The following CDK6 variants were observed in gnomAD, a reference collection of about 807,000 sequenced individuals.
CDK6 encodes the protein cyclin-dependent kinase 6.
A neutral mutation model predicts 37.1 loss-of-function variants in CDK6; 6 were observed. The ratio of observed to expected loss-of-function variants is 0.16; its 90% CI spans 0.09 to 0.32. The LOEUF (loss-of-function observed/expected upper bound fraction) is 0.32. CDK6 is among the 10% of genes least tolerant of loss of function. The pLI, the probability that CDK6 is intolerant of heterozygous loss-of-function variation, is 1.00. For synonymous variants in CDK6, 160 were observed against 161.3 expected, an observed-to-expected ratio of 0.99 and a Z score of 0.06; for missense variants, 224 against 418.9, an observed-to-expected ratio of 0.53 and a Z score of 4.06.
intron 3 of CDK6, among the ~76,000 whole-genome samples, chr7:92,762,325 C>A (rs1799475781): frequency 6.6e-6 from 1 of 151,798 alleles, no homozygotes; most frequent in Non-Finnish European, 1.5e-5. Flanking sequence ...CAACCTATTT[C>A]TTCCCTATTC....
intron 3 of CDK6, among the ~76,000 whole-genome samples, chr7:92,735,941 C>T (rs953718114): frequency 3.3e-5 from 5 of 152,028 alleles, no homozygotes; most frequent in African/African-American, 4.8e-5. Context: ...CTTTTGGGTA[C>T]GTATAAACCT....
chr7:92,709,284 C>T (rs1328082188), intron 4 of CDK6, among the ~76,000 whole-genome samples: 2 of 152,132 alleles, frequency 1.3e-5, no homozygotes, highest in Non-Finnish European at 2.9e-5. Flanking sequence ...CAACAACCCA[C>T]ATACTTCTTG....
intron 4 of CDK6, among the ~76,000 whole-genome samples, chr7:92,686,081 G>C (rs540920523): frequency 1.3e-5 from 2 of 152,330 alleles, no homozygotes; most frequent in East Asian, 3.9e-4. Flanking sequence ...AATCACAGAA[G>C]TGATCACAGT....
At chr7:92,749,198 A>C (rs1046051063) in intron 3 of CDK6, among the ~76,000 whole-genome samples, 1 of 125,108 alleles carries the variant, frequency 8.0e-6, no homozygotes, top group East Asian at 2.1e-4. Context: ...GACTCTGCCT[A>C]AAAAAAAAAA....
intron 3 of CDK6, among the ~76,000 whole-genome samples, chr7:92,748,527 C>A (rs529454775): frequency 2.6e-5 from 4 of 152,178 alleles, no homozygotes; most frequent in Non-Finnish European, 5.9e-5. Context: ...GAACTGTCTA[C>A]AAAATACTTT....
chr7:92,736,565 G>A (rs1353751242), intron 3 of CDK6, among the ~76,000 whole-genome samples: 1 of 152,174 alleles, frequency 6.6e-6, no homozygotes, highest in Non-Finnish European at 1.5e-5. Flanking sequence ...CTGTCATGGA[G>A]GACACTAATA....
chr7:92,793,812 C>T (rs1800339101), intron 2 of CDK6, among the ~76,000 whole-genome samples: 1 of 151,710 alleles, frequency 6.6e-6, no homozygotes, highest in South Asian at 2.1e-4. Flanking sequence ...GGCAAATCTA[C>T]AGAAACAGAA....
At chr7:92,618,323 G>A (rs1367930141) in intron 6 of CDK6, 116 bp from the exon 7 acceptor site, 1 of 981,944 alleles carries the variant, frequency 1.0e-6, no homozygotes, top group Non-Finnish European at 1.5e-6. Flanking sequence ...AGAGTCCCAG[G>A]AGACCTTCAC....
intron 5 of CDK6, among the ~76,000 whole-genome samples, chr7:92,627,614 A>G (rs1585347414): frequency 6.6e-6 from 1 of 151,554 alleles, no homozygotes; most frequent in East Asian, 2.0e-4. Context: ...AATCCAGTTC[A>G]TGGTATTTTG....
chr7:92,677,436 G>A (rs1005592224), intron 4 of CDK6, among the ~76,000 whole-genome samples: 3 of 151,954 alleles, frequency 2.0e-5, no homozygotes, highest in Non-Finnish European at 4.4e-5. Context: ...TGGGCAGCAT[G>A]GCGAAACCCT....
intron 3 of CDK6, among the ~76,000 whole-genome samples, chr7:92,743,421 A>C (rs1032145081): frequency 1.3e-5 from 2 of 150,578 alleles, no homozygotes; most frequent in Non-Finnish European, 3.0e-5. Flanking sequence ...TAAAAATAAT[A>C]ATAAAAAAAG....
chr7:92,828,838 C>T (rs937423823), intron 2 of CDK6, among the ~76,000 whole-genome samples: 1 of 152,122 alleles, frequency 6.6e-6, no homozygotes, highest in African/African-American at 2.4e-5. Flanking sequence ...AAAAAATGAG[C>T]AGAATACCAT....
At chr7:92,836,054 C>G (rs1034794629) in intron 1 of CDK6, among the ~76,000 whole-genome samples, 3 of 152,174 alleles carry the variant, frequency 2.0e-5, no homozygotes. Flanking sequence ...GCACATTCTC[C>G]AGCATGGAGT....
chr7:92,765,354 A>C (rs932335430), intron 3 of CDK6, among the ~76,000 whole-genome samples: 7 of 152,124 alleles, frequency 4.6e-5, no homozygotes, highest in African/African-American at 1.7e-4. Context: ...TTTAAGGAGA[A>C]TATATCTTAT....
chr7:92,794,652 C>A (rs1433329432), intron 2 of CDK6, among the ~76,000 whole-genome samples: 1 of 152,048 alleles, frequency 6.6e-6, no homozygotes, highest in Non-Finnish European at 1.5e-5. Flanking sequence ...TTACTGTCTC[C>A]CCTTCCACCC....
At chr7:92,624,131 C>T (rs987207341) in intron 5 of CDK6, among the ~76,000 whole-genome samples, 3 of 152,086 alleles carry the variant, frequency 2.0e-5, no homozygotes, top group Non-Finnish European at 4.4e-5. Flanking sequence ...CACACCTTAA[C>T]GTTTCTCAAC....
chr7:92,631,543 G>GA (rs1320565201), intron 5 of CDK6, among the ~76,000 whole-genome samples: 1 of 152,136 alleles, frequency 6.6e-6, no homozygotes, highest in Admixed American at 6.6e-5. Flanking sequence ...CACAATTCAA[G>GA]ATGTTATTTC....
intron 4 of CDK6, among the ~76,000 whole-genome samples, chr7:92,688,935 C>G (rs905335918): frequency 2.0e-5 from 3 of 152,146 alleles, no homozygotes; most frequent in Admixed American, 6.6e-5. Flanking sequence ...AAATGGGGAA[C>G]CACAGCAACT....
chr7:92,621,193 T>C (rs1795798927), intron 6 of CDK6, among the ~76,000 whole-genome samples: 1 of 152,224 alleles, frequency 6.6e-6, no homozygotes, highest in Admixed American at 6.5e-5. Context: ...GGTGCAGCAT[T>C]GTCCCTTTTC....
Sources: gnomAD v4.1 joint callset for allele counts (sites outside exome capture counted in the v4.1 genomes callset) on GRCh38, gnomAD v4.1.1 for gene constraint, MANE v1.5 for transcripts, NCBI Gene and HGNC (gene_info 2026-07-23, HGNC 2026-07-21) for gene names.